Variants in SLC12A1 observed in about 807,000 individuals in gnomAD.
SLC12A1 encodes Na-K-2Cl cotransporter.
In SLC12A1, 89 loss-of-function variants were observed where a neutral mutation model predicts 130.4. The ratio of observed to expected loss-of-function variants is 0.68; its 90% CI spans 0.58 to 0.81. The LOEUF (loss-of-function observed/expected upper bound fraction) is 0.81. Among genes scored for constraint, SLC12A1 ranks in the 40% least tolerant of loss-of-function variants. SLC12A1 has a pLI of 0.00. For missense variants in SLC12A1, 1,310 were observed against 1,336.4 expected, an observed-to-expected ratio of 0.98 and a Z score of 0.31; for synonymous variants, 499 against 460.0, an observed-to-expected ratio of 1.08 and a Z score of -1.09.
chr15:48,254,633 CA>C (rs1405186197), intron 15 of SLC12A1, among the ~76,000 whole-genome samples: 2 of 94,878 alleles, frequency 2.1e-5, no homozygotes, highest in Non-Finnish European at 5.2e-5. Context: ...AAAAAAAACC[CA>C]AAAAAGACCG....
chr15:48,275,516 C>G (rs542519404), intron 20 of SLC12A1, among the ~76,000 whole-genome samples: 1 of 152,270 alleles, frequency 6.6e-6, no homozygotes, highest in African/African-American at 2.4e-5. Flanking sequence ...GGGCACCTAA[C>G]TCACTCCAAA....
Position 48,244,001 on chromosome 15 carries a change from T to C in SLC12A1, c.1301-752T>C, listed in dbSNP as rs536098769. On this transcript the variant is annotated intron_variant, in intron 10 of 26. Transcript: ENST00000380993. Reference sequence around the variant, plus strand: ...TAAGGGAATGCCAGTGATTAAAATATATATCAAGAGTCTTCTAAATGACCA... The same window carrying C: ...TAAGGGAATGCCAGTGATTAAAATACATATCAAGAGTCTTCTAAATGACCA... 5.9e-5 allele frequency among the ~76,000 whole-genome samples: 9 copies of C among 152,358 alleles called. No individual in the cohort carries two copies. In the East Asian group the frequency reaches 1.3e-3, roughly 23 times the overall value.
chr15:48,241,731 C>T (rs147564848), intron 10 of SLC12A1, 132 bp downstream of exon 10: 3 of 688,190 alleles, frequency 4.4e-6, no homozygotes, highest in East Asian at 2.6e-5. Flanking sequence ...GTTCTTGGTA[C>T]CTTAATGTTA....
At chr15:48,235,289 C>G (rs1301503782) in intron 9 of SLC12A1, 1 of 397,552 alleles carries the variant, frequency 2.5e-6, no homozygotes. Flanking sequence ...AAAAAAATAC[C>G]AGAACCACCC....
chr15:48,301,498 T>C, intron 26 of SLC12A1, 116 bp downstream of exon 26: 2 of 478,088 alleles, frequency 4.2e-6, no homozygotes, highest in Non-Finnish European at 6.4e-6. Context: ...TTTTGTGTTT[T>C]TTTTGGGGGG....
chr15:48,249,161 G>C (rs1166442237), intron 13 of SLC12A1, among the ~76,000 whole-genome samples: 1 of 152,194 alleles, frequency 6.6e-6, no homozygotes, highest in Non-Finnish European at 1.5e-5. Flanking sequence ...GGCCTATGCA[G>C]GGAGATTTCA....
At chr15:48,260,347 A>ACACAC (rs2041760054) in intron 17 of SLC12A1, among the ~76,000 whole-genome samples, 1 of 62,220 alleles carries the variant, frequency 1.6e-5, no homozygotes, top group Non-Finnish European at 3.0e-5. Context: ...CTCTCTCTCT[A>ACACAC]TCACACACAC....
chr15:48,263,825 C>T (rs1843146), intron 17 of SLC12A1, among the ~76,000 whole-genome samples: 14,433 of 151,928 alleles, frequency 0.095, 1,701 homozygotes, highest in East Asian at 0.3. Flanking sequence ...TCCCAGTGTC[C>T]GGGACTACAG....
At position 48,262,264 on chromosome 15, in the gene SLC12A1, G is replaced by A. The variant is rs183114583; in HGVS notation, c.2154+2953G>A. ...AGGCTCTGGGCTCCATCCTTCTGGT[G>A]GCCTGCAGCTATTGAAGTACTTGCT... is the stretch of plus-strand genomic sequence containing the variant. On this transcript the variant is annotated intron_variant, in intron 17 of 26. Coordinates refer to ENST00000380993, the MANE Select transcript of SLC12A1 (RefSeq NM_000338.3). Among the ~76,000 whole-genome samples the A allele has an allele frequency of 4.3e-4, 65 of 152,168 alleles. No individual in the cohort carries two copies. In the East Asian group the frequency reaches 7.7e-3, roughly 18 times the overall value.
chr15:48,246,833 G>A (rs1342043062), intron 11 of SLC12A1, 76 bp from the exon 12 acceptor site: 1 of 927,838 alleles, frequency 1.1e-6, no homozygotes, highest in Non-Finnish European at 1.8e-6. Context: ...GGGAAAAAAT[G>A]TAGTTGAAAG....
Position 48,229,275 on chromosome 15 carries a change from G to T in SLC12A1, c.811G>T (p.Ala271Ser). 6.2e-7 allele frequency: 1 copy of T among 1,604,954 alleles called. No individual in the cohort carries two copies. Among genetic ancestry groups the T allele is most frequent in the East Asian group, 2.2e-5 (1 of 44,718 alleles). The part of the protein sequence containing the change: ...GLIFAFANAV[A>S]VAMYVVGFAE... ...GATCTTTGCTTTTGCTAATGCAGTG[G>T]CTGTTGCTATGTATGTGGTGGGATT... The change falls in exon 6 of 27, where the codon GCT becomes TCT. Residue 271 changes from alanine to serine, a missense_variant. Physicochemically the swap from Ala to Ser is moderately conservative, Grantham distance 99. Transcript: ENST00000380993.
chr15:48,247,227 T>C, intron 12 of SLC12A1, 110 bp from the exon 13 acceptor site: 1 of 1,145,616 alleles, frequency 8.7e-7, no homozygotes, highest in Non-Finnish European at 1.3e-6. Flanking sequence ...AACTTGTGCC[T>C]CATCTTGTGT....
intron 25 of SLC12A1, among the ~76,000 whole-genome samples, chr15:48,300,556 A>C (rs186306585): frequency 6.6e-6 from 1 of 152,308 alleles, no homozygotes; most frequent in African/African-American, 2.4e-5. Flanking sequence ...ACTTGAAAAA[A>C]TTCGAGCAAG....
At chr15:48,291,933 C>A in intron 24 of SLC12A1, 69 bp downstream of exon 24, 1 of 1,013,508 alleles carries the variant, frequency 9.9e-7, no homozygotes, top group Non-Finnish European at 1.5e-6. Flanking sequence ...TGTTGATTAT[C>A]AAACAGTAAA....
intron 4 of SLC12A1, chr15:48,223,393 A>G (rs1205673293): frequency 6.6e-6 from 1 of 152,198 alleles, no homozygotes; most frequent in Non-Finnish European, 1.5e-5. Flanking sequence ...AAAACAATGA[A>G]CTGAATGTTC....
chr15:48,259,142 T>C, intron 16 of SLC12A1, 58 bp from the exon 17 acceptor site: 1 of 1,109,598 alleles, frequency 9.0e-7, no homozygotes, highest in Non-Finnish European at 1.4e-6. Context: ...ACTGGAATGG[T>C]TCTAAGGTTA....
chr15:48,279,751 T>C (rs1168461788), intron 20 of SLC12A1, among the ~76,000 whole-genome samples: 2 of 152,232 alleles, frequency 1.3e-5, no homozygotes, highest in Non-Finnish European at 2.9e-5. Flanking sequence ...TATATTGTGG[T>C]CAAGTATTCC....
chr15:48,289,173 G>C (rs1332679394), intron 23 of SLC12A1, among the ~76,000 whole-genome samples: 1 of 151,350 alleles, frequency 6.6e-6, no homozygotes, highest in Non-Finnish European at 1.5e-5. Context: ...CCAGTTGTGA[G>C]AATAATAAGC....
intron 20 of SLC12A1, among the ~76,000 whole-genome samples, chr15:48,277,561 A>G (rs1023067676): frequency 6.6e-6 from 1 of 152,240 alleles, no homozygotes; most frequent in Non-Finnish European, 1.5e-5. Context: ...GGAGAATGAA[A>G]AAGATCAGCA....
Sources: allele counts gnomAD v4.1 joint callset (sites outside exome capture counted in the v4.1 genomes callset), GRCh38; gene constraint gnomAD v4.1.1; transcripts MANE v1.5; gene names NCBI Gene and HGNC (gene_info 2026-07-23, HGNC 2026-07-21).